The following DYNC2H1 variants were observed in gnomAD, a reference collection of about 807,000 sequenced individuals.
The protein encoded by DYNC2H1 is dynein cytoplasmic 2 heavy chain 1, also known as cytoplasmic dynein 2 heavy chain 1.
A neutral mutation model predicts 570.0 loss-of-function variants in DYNC2H1; 410 were observed. The observed-to-expected ratio is 0.72, with a 90% CI of 0.66 to 0.78. DYNC2H1 has a LOEUF of 0.78. Ranked by LOEUF, DYNC2H1 falls within the 30% of genes least tolerant of loss-of-function variation. The pLI is 0.00. For synonymous variants in DYNC2H1, 1,688 were observed against 1,677.6 expected (o/e 1.01, Z -0.15); for missense variants, 4,865 against 5,046.4 (o/e 0.96, Z 1.09).
At chr11:103,413,883 C>A (rs1200932657) in intron 84 of DYNC2H1, among the ~76,000 whole-genome samples, 2 of 152,182 alleles carry the variant, frequency 1.3e-5, no homozygotes, top group South Asian at 4.1e-4. Context: ...ATAGAATACA[C>A]TTTCTCTTTT....
At chr11:103,282,608 C>G (rs1210850528) in intron 72 of DYNC2H1, among the ~76,000 whole-genome samples, 1 of 151,830 alleles carries the variant, frequency 6.6e-6, no homozygotes, top group Non-Finnish European at 1.5e-5. Flanking sequence ...TCAAATTTAG[C>G]TTTTTTTCCT....
At chr11:103,288,684 T>TTAAAAAAA (rs1401919829) in intron 75 of DYNC2H1, among the ~76,000 whole-genome samples, 1 of 27,904 alleles carries the variant, frequency 3.6e-5, no homozygotes, top group Admixed American at 6.4e-4. Flanking sequence ...CCGTCTCTAC[T>TTAAAAAAA]AAAAAAAAAA....
At chr11:103,215,519 G>A (rs780294153) in intron 54 of DYNC2H1, among the ~76,000 whole-genome samples, 13 of 152,046 alleles carry the variant, frequency 8.6e-5, no homozygotes, top group African/African-American at 1.2e-4. Flanking sequence ...AAACCTCTGT[G>A]GGATCTTTAA....
Position 103,280,355 on chromosome 11 carries a change from AG to A in DYNC2H1, c.10704del (p.Gln3568HisfsTer2). ...ATCTGTTATTCTTTGCAGGCTGATC[AG>A]TTGATGTTCGCTTTGCATTTTGTTC... The part of the protein sequence containing the change: ...YICRCLFKAD[Q>X]LMFALHFVRG... On this transcript the variant is annotated frameshift_variant, in exon 71 of 89. Coordinates refer to ENST00000375735, the MANE Select transcript of DYNC2H1 (RefSeq NM_001377.3). LOFTEE classifies it high-confidence loss of function. The surrounding 1 kb of genome is among the most constrained non-coding windows in gnomAD (Gnocchi z 4.7). 1 of 1,554,902 alleles carries A rather than the reference AG, an allele frequency of 6.4e-7. No homozygotes were observed. Among genetic ancestry groups the A allele is most frequent in the Non-Finnish European group, 8.7e-7 (1 of 1,147,980 alleles).
At chr11:103,131,301 CT>C (rs995625179) in intron 13 of DYNC2H1, among the ~76,000 whole-genome samples, 8 of 148,934 alleles carry the variant, frequency 5.4e-5, no homozygotes, top group South Asian at 2.1e-4. Flanking sequence ...TCCCAATATT[CT>C]TTTTTTTTTG....
At chr11:103,195,638 G>A (rs72989780) in intron 47 of DYNC2H1, among the ~76,000 whole-genome samples, 7,590 of 152,082 alleles carry the variant, frequency 0.05, 252 homozygotes, top group Non-Finnish European at 0.071. Context: ...TTGTCTTTTC[G>A]TATAGATTTT....
rs183947910 is a variant in DYNC2H1, at chr11:103,119,733, A to G, written c.1000-714A>G. 3.3e-5 allele frequency among the ~76,000 whole-genome samples: 5 copies of G among 152,182 alleles called. No homozygotes were observed. The East Asian group carries it at 9.7e-4, about 29-fold the overall frequency. ...TTATGTCTCATACCTAGAATTAGTA[A>G]TTTTTTTCAAGGAGCCTCATTCTTT... On this transcript the variant is annotated intron_variant, in intron 6 of 88. Transcript: ENST00000375735.
intron 88 of DYNC2H1, among the ~76,000 whole-genome samples, chr11:103,474,943 A>C (rs1457678898): frequency 3.3e-5 from 5 of 152,166 alleles, no homozygotes; most frequent in Non-Finnish European, 7.4e-5. Flanking sequence ...CTATTTGTAG[A>C]ATGTATGTTT....
chr11:103,142,524 C>G (rs1272763388), intron 17 of DYNC2H1, among the ~76,000 whole-genome samples: 1 of 152,042 alleles, frequency 6.6e-6, no homozygotes, highest in Non-Finnish European at 1.5e-5. Context: ...CAAAAATTAT[C>G]TGGGCATGGT....
chr11:103,478,779 T>C (rs1945648561), intron 88 of DYNC2H1, among the ~76,000 whole-genome samples: 1 of 152,190 alleles, frequency 6.6e-6, no homozygotes, highest in African/African-American at 2.4e-5. Context: ...TAAGGAATTA[T>C]TGGTAGTTTT....
At position 103,399,676 on chromosome 11, in the gene DYNC2H1, TACATCAGAA is replaced by T. The variant is rs1591686031; in HGVS notation, c.12172_12180del (p.His4058_Lys4060del). ...TTTTTCTTTTAGAATTCAAACCTAATACATCAGAAAGTGCCTCCTCCTAACGATCGACAA... is the reference window on the plus strand; with the variant it reads ...TTTTTCTTTTAGAATTCAAACCTAATAGTGCCTCCTCCTAACGATCGACAA... On this transcript the variant is annotated inframe_deletion, in exon 84 of 89. Transcript: ENST00000375735. 2.5e-6 allele frequency: 4 copies of T among 1,612,252 alleles called. No homozygotes were observed. The highest frequency in any genetic ancestry group is 3.4e-6 in the Non-Finnish European group (4 of 1,178,804).
chr11:103,361,420 A>G (rs1940633138), intron 83 of DYNC2H1, among the ~76,000 whole-genome samples: 2 of 152,230 alleles, frequency 1.3e-5, no homozygotes, highest in Admixed American at 1.3e-4. Context: ...ACTGTGAGAA[A>G]TACATTTCTG....
rs765968201 is a variant in DYNC2H1 at position 103,191,641 on chromosome 11, C to CG, written c.7540+22_7540+23insG. On this transcript the variant is annotated intron_variant, in intron 46 of 88. Coordinates refer to ENST00000375735, the MANE Select transcript of DYNC2H1 (RefSeq NM_001377.3). ...GGAGGTGAGTTTTGCTAGTGTGTATCTTGTGTGTGTGTGTGTGTGTGCACA... is the reference window on the plus strand; with the variant it reads ...GGAGGTGAGTTTTGCTAGTGTGTATCGTTGTGTGTGTGTGTGTGTGTGCACA... 2.8e-6 allele frequency: 4 copies of CG among 1,428,048 alleles called. No homozygotes were observed. In the South Asian group the frequency reaches 4.9e-5, roughly 17 times the overall value. 88.5% of individuals were successfully genotyped at this position (1,428,048 alleles called of 1,614,324 possible).
chr11:103,296,050 T>C (rs746621406), intron 75 of DYNC2H1, among the ~76,000 whole-genome samples: 23 of 152,180 alleles, frequency 1.5e-4, no homozygotes, highest in Admixed American at 6.5e-4. Context: ...CGCACACAGA[T>C]TCTCTCTGTG....
Position 103,109,438 on chromosome 11 carries a change from C to T in DYNC2H1, c.-137C>T. ...GTGCTCCGTCGCCATAGCGACTACC[C>T]CTGGCAACCGCGAAGCTCTGCGGTC... is the stretch of plus-strand genomic sequence containing the variant. On this transcript the variant is annotated 5_prime_UTR_variant, in exon 1 of 89. Transcript: ENST00000375735. 1 of 843,494 alleles carries T rather than the reference C, an allele frequency of 1.2e-6. No individual in the cohort carries two copies. The highest frequency in any genetic ancestry group is 1.8e-6 in the Non-Finnish European group (1 of 566,140). 52.3% of individuals were successfully genotyped at this position (843,494 alleles called of 1,614,324 possible).
At chr11:103,223,479 C>T (rs1054990692) in intron 59 of DYNC2H1, among the ~76,000 whole-genome samples, 23 of 151,592 alleles carry the variant, frequency 1.5e-4, no homozygotes, top group Admixed American at 3.9e-4. Flanking sequence ...CCTCCACCTC[C>T]CAGGTTCAAG....
Position 103,148,512 on chromosome 11 carries a change from A to T in DYNC2H1, c.2841A>T (p.Thr947=). ...SIQAHLHEID[T]FVTEAMEVLT... is the part of the protein sequence containing the mutation. Reference sequence around the variant, plus strand: ...CAGCTCATTTACATGAAATTGATACATTTGTTACTGAGGCTATGGAAGTCT... The same window carrying T: ...CAGCTCATTTACATGAAATTGATACTTTTGTTACTGAGGCTATGGAAGTCT... Residue 947 remains threonine (T), a synonymous_variant, in exon 20 of 89, where the codon ACA becomes ACT. Transcript: ENST00000375735. 6.4e-7 allele frequency: 1 copy of T among 1,562,622 alleles called. No homozygotes were observed. The highest frequency in any genetic ancestry group is 8.7e-7 in the Non-Finnish European group (1 of 1,151,926).
chr11:103,259,364 C>T (rs182424982), intron 69 of DYNC2H1, among the ~76,000 whole-genome samples: 65 of 152,172 alleles, frequency 4.3e-4, no homozygotes, highest in Admixed American at 8.5e-4. Context: ...TCTTGCAAAA[C>T]GGAATTATTA....
At chr11:103,476,348 A>T (rs1945546076) in intron 88 of DYNC2H1, among the ~76,000 whole-genome samples, 1 of 152,084 alleles carries the variant, frequency 6.6e-6, no homozygotes, top group Non-Finnish European at 1.5e-5. Context: ...TGATTTTCTG[A>T]AGTATATATT....
Sources: allele counts gnomAD v4.1 joint callset (sites outside exome capture counted in the v4.1 genomes callset), GRCh38; gene constraint gnomAD v4.1.1; non-coding constraint Gnocchi (gnomAD v3.1); transcripts MANE v1.5; gene names NCBI Gene and HGNC (gene_info 2026-07-23, HGNC 2026-07-21).